The following PLEKHA6 variants were observed in gnomAD, a reference collection of about 807,000 sequenced individuals.
The protein encoded by PLEKHA6 is pleckstrin homology domain-containing family A member 6.
In PLEKHA6, 60 loss-of-function variants were observed where a neutral mutation model predicts 116.7. That is an observed-to-expected ratio of 0.51 (90% CI 0.42 to 0.64). PLEKHA6 has a LOEUF of 0.64. PLEKHA6 is among the 30% of genes least tolerant of loss of function. The pLI, the probability that PLEKHA6 is intolerant of heterozygous loss-of-function variation, is 0.00. For missense variants in PLEKHA6, 1,338 were observed against 1,422.7 expected, an observed-to-expected ratio of 0.94 and a Z score of 0.96; for synonymous variants, 489 against 556.1, an observed-to-expected ratio of 0.88 and a Z score of 1.70.
chr1:204,335,962 A>G (rs1219247461), intron 1 of PLEKHA6, among the ~76,000 whole-genome samples: 1 of 152,240 alleles, frequency 6.6e-6, no homozygotes, highest in Admixed American at 6.5e-5. Flanking sequence ...TCCAGGGCAC[A>G]TGCCCCTACA....
chr1:204,290,433 G>A (rs1426278604), intron 1 of PLEKHA6, among the ~76,000 whole-genome samples: 2 of 152,198 alleles, frequency 1.3e-5, no homozygotes, highest in East Asian at 3.8e-4. Context: ...AAAGGAGAAT[G>A]ACAGGCTTTT....
At chr1:204,308,687 C>CTTTCTTTTTTT (rs775770952) in intron 1 of PLEKHA6, among the ~76,000 whole-genome samples, 128 of 81,408 alleles carry the variant, frequency 1.6e-3, no homozygotes, top group African/African-American at 6.2e-3. Context: ...TTTTCTTTTT[C>CTTTCTTTTTTT]TTTTTTTTTT....
rs1234882766 is a variant in PLEKHA6 at position 204,257,962 on chromosome 1, G to A, written c.1008-93C>T. On this transcript the variant is annotated intron_variant, in intron 8 of 22. Transcript: ENST00000272203. This position sits in a 1 kb window ranked among gnomAD's most constrained non-coding sequence, Gnocchi z 6.5. ...CCTCCAGGTCCCCCAGCCTAGAGCAGGGTGCTTGAATAGGTACACAGGGGC... is the reference window on the plus strand; with the variant it reads ...CCTCCAGGTCCCCCAGCCTAGAGCAAGGTGCTTGAATAGGTACACAGGGGC... 2.5e-6 allele frequency: 3 copies of A among 1,204,108 alleles called. No individual in the cohort carries two copies. Among genetic ancestry groups the A allele is most frequent in the Admixed American group, 2.3e-5 (1 of 42,988 alleles). 74.6% of individuals were successfully genotyped at this position (1,204,108 alleles called of 1,614,324 possible). A position where few individuals can be genotyped will look rare whatever the true frequency, so the allele number is the denominator to read the frequency against.
intron 13 of PLEKHA6, among the ~76,000 whole-genome samples, chr1:204,246,901 T>C (rs1350672552): frequency 1.3e-5 from 2 of 152,182 alleles, no homozygotes; most frequent in African/African-American, 2.4e-5. Context: ...TTTGGGAGTC[T>C]GAGGCAGGAG....
chr1:204,336,579 T>TGTGTGTGTGC (rs2103295039), intron 1 of PLEKHA6, among the ~76,000 whole-genome samples: 1 of 152,248 alleles, frequency 6.6e-6, no homozygotes, highest in Admixed American at 6.5e-5. Context: ...TGTGTGTGTG[T>TGTGTGTGTGC]GTGTGTGTGC....
At chr1:204,233,735 C>A (rs977086149) in intron 17 of PLEKHA6, among the ~76,000 whole-genome samples, 9 of 152,086 alleles carry the variant, frequency 5.9e-5, no homozygotes, top group African/African-American at 9.7e-5. Flanking sequence ...AGGCGTGAAC[C>A]ACTGCACCTG....
intron 1 of PLEKHA6, among the ~76,000 whole-genome samples, chr1:204,315,770 G>C (rs1205231492): frequency 6.6e-6 from 1 of 152,098 alleles, no homozygotes; most frequent in Non-Finnish European, 1.5e-5. Context: ...TCCCGTGACA[G>C]GCAGCCTGGG....
intron 1 of PLEKHA6, among the ~76,000 whole-genome samples, chr1:204,326,170 GC>G (rs1016786986): frequency 2.0e-5 from 3 of 152,106 alleles, no homozygotes; most frequent in African/African-American, 7.2e-5. Flanking sequence ...CCAGTTCCAT[GC>G]CCCCTTCTGC....
At chr1:204,348,442 C>T (rs1198602493) in intron 1 of PLEKHA6, among the ~76,000 whole-genome samples, 5 of 152,090 alleles carry the variant, frequency 3.3e-5, no homozygotes, top group Non-Finnish European at 7.4e-5. Flanking sequence ...GAGCAAAGTC[C>T]ATTTGGGAAG....
chr1:204,272,737 G>T (rs1360498897), intron 3 of PLEKHA6, among the ~76,000 whole-genome samples: 2 of 152,054 alleles, frequency 1.3e-5, no homozygotes, highest in African/African-American at 2.4e-5. Flanking sequence ...ATGTAGTACT[G>T]CTTTTCATGT....
In PLEKHA6 at chr1:204,250,522, G is replaced by A. The variant is rs772549200; in HGVS notation, c.1593+24C>T. The A allele has an allele frequency of 5.1e-6, 8 of 1,558,882 alleles. No individual in the cohort carries two copies. In the Admixed American group the frequency reaches 1.2e-4, roughly 23 times the overall value. ...GCAGCAGGAGGCTGGAGTGGAGGGAGGGAGCAGGGGGCGCTGCTCTTACAT... is the reference window on the plus strand; with the variant it reads ...GCAGCAGGAGGCTGGAGTGGAGGGAAGGAGCAGGGGGCGCTGCTCTTACAT... On this transcript the variant is annotated intron_variant, in intron 10 of 22. Transcript: ENST00000272203.
chr1:204,250,065 G>A (rs1322109459), intron 10 of PLEKHA6, among the ~76,000 whole-genome samples: 1 of 152,168 alleles, frequency 6.6e-6, no homozygotes, highest in African/African-American at 2.4e-5. Context: ...TTCACTACAT[G>A]AATACCGTGT....
chr1:204,224,346 C>T (rs1660036310), intron 21 of PLEKHA6, among the ~76,000 whole-genome samples: 1 of 151,798 alleles, frequency 6.6e-6, no homozygotes, highest in South Asian at 2.1e-4. Flanking sequence ...GTCTCCAGAC[C>T]CTTATGCATC....
intron 1 of PLEKHA6, among the ~76,000 whole-genome samples, chr1:204,279,634 C>T (rs1011988027): frequency 6.6e-6 from 1 of 152,086 alleles, no homozygotes. Context: ...GGAGATTGTG[C>T]GGTGGAGGTA....
intron 1 of PLEKHA6, chr1:204,313,528 T>C: frequency 2.0e-6 from 2 of 977,406 alleles, no homozygotes; most frequent in Non-Finnish European, 2.4e-6. Context: ...CACAAGATGT[T>C]ACTATTGAAG....
intron 10 of PLEKHA6, among the ~76,000 whole-genome samples, chr1:204,249,878 G>T (rs144514724): frequency 6.6e-6 from 1 of 152,116 alleles, no homozygotes; most frequent in Non-Finnish European, 1.5e-5. Flanking sequence ...TTCCTAGTCC[G>T]CACCTTTATT....
At chr1:204,279,255 T>C (rs1668346499) in intron 1 of PLEKHA6, among the ~76,000 whole-genome samples, 2 of 152,168 alleles carry the variant, frequency 1.3e-5, no homozygotes, top group South Asian at 2.1e-4. Context: ...TCCTATGCCC[T>C]GTAAAGATAG....
rs1662441241 is a variant in PLEKHA6 at position 204,238,984 on chromosome 1, C to T, written c.2409+2391G>A. Among the ~76,000 whole-genome samples, 1 of 152,156 alleles carries T rather than the reference C, an allele frequency of 6.6e-6. No homozygotes were observed. ...AATGGTTTGGCTGGATGGTCAGGGACTTTGAAGAAGTATGACTGGAAAATT... is the reference window on the plus strand; with the variant it reads ...AATGGTTTGGCTGGATGGTCAGGGATTTTGAAGAAGTATGACTGGAAAATT... On this transcript the variant is annotated intron_variant, in intron 17 of 22. Coordinates refer to ENST00000272203, the MANE Select transcript of PLEKHA6 (RefSeq NM_014935.5). The surrounding 1 kb of genome is among the most constrained non-coding windows in gnomAD (Gnocchi z 4.2).
intron 3 of PLEKHA6, among the ~76,000 whole-genome samples, chr1:204,270,647 G>A (rs747063161): frequency 2.4e-4 from 37 of 152,260 alleles, no homozygotes; most frequent in South Asian, 2.1e-4. Context: ...TTCCACTACC[G>A]TGGTCTTAAA....
Sources: gnomAD v4.1 joint callset for allele counts (sites outside exome capture counted in the v4.1 genomes callset) on GRCh38, gnomAD v4.1.1 for gene constraint, Gnocchi (gnomAD v3.1) non-coding constraint, MANE v1.5 for transcripts, NCBI Gene and HGNC (gene_info 2026-07-23, HGNC 2026-07-21) for gene names.